Variants in LUZP2 observed in about 807,000 individuals in gnomAD.
The protein encoded by LUZP2 is leucine zipper protein 2.
LUZP2 carries 52 observed loss-of-function variants against 51.6 expected under a neutral mutation model. That is an observed-to-expected ratio of 1.01 (90% CI 0.81 to 1.27). LUZP2 has a LOEUF of 1.27. Among genes scored for constraint, LUZP2 ranks in the 50% most tolerant of loss-of-function variants. LUZP2 has a pLI of 0.00. For missense variants in LUZP2, 436 were observed against 395.4 expected (o/e 1.10, Z -0.87); for synonymous variants, 154 against 137.3 (o/e 1.12, Z -0.85).
At chr11:24,958,538 G>A (rs1855282060) in intron 7 of LUZP2, among the ~76,000 whole-genome samples, 2 of 152,132 alleles carry the variant, frequency 1.3e-5, no homozygotes, top group South Asian at 2.1e-4. Context: ...TTTTTTGGCT[G>A]CATAAATGTC....
chr11:24,926,595 A>T (rs941833751), intron 7 of LUZP2, among the ~76,000 whole-genome samples: 5 of 147,454 alleles, frequency 3.4e-5, no homozygotes, highest in African/African-American at 1.2e-4. Context: ...ATGTGTGTAT[A>T]TATATGTGTG....
chr11:24,838,879 A>G (rs559063920), intron 5 of LUZP2, among the ~76,000 whole-genome samples: 2 of 151,608 alleles, frequency 1.3e-5, no homozygotes, highest in Non-Finnish European at 3.0e-5. Context: ...TGAAGTCTTA[A>G]TTCAGGCATT....
At chr11:24,619,287 G>C (rs2133902586) in intron 1 of LUZP2, among the ~76,000 whole-genome samples, 1 of 152,222 alleles carries the variant, frequency 6.6e-6, no homozygotes, top group East Asian at 1.9e-4. Flanking sequence ...TCCTGCCTCA[G>C]CCTCCCAAAA....
intron 6 of LUZP2, among the ~76,000 whole-genome samples, chr11:24,907,002 A>G (rs1485817075): frequency 1.3e-5 from 2 of 152,208 alleles, no homozygotes; most frequent in African/African-American, 4.8e-5. Context: ...TCTTTAAATT[A>G]TGGCATGACC....
intron 1 of LUZP2, among the ~76,000 whole-genome samples, chr11:24,577,980 C>T (rs576154424): frequency 1.3e-5 from 2 of 152,200 alleles, no homozygotes; most frequent in East Asian, 1.9e-4. Flanking sequence ...ATGCCATCAG[C>T]GTTCTGTACT....
In LUZP2 at chr11:24,739,856, G is replaced by A. The variant is rs142983919; in HGVS notation, c.333+1554G>A. On this transcript the variant is annotated intron_variant, in intron 4 of 11. Coordinates refer to ENST00000336930, the MANE Select transcript of LUZP2 (RefSeq NM_001009909.4). ...ATCTGTTCTGTTCACCTGTTAGGACGGGCATGTGGGTTCATTGCTATGCCA... is the reference window on the plus strand; with the variant it reads ...ATCTGTTCTGTTCACCTGTTAGGACAGGCATGTGGGTTCATTGCTATGCCA... Among the ~76,000 whole-genome samples, 784 of 152,126 alleles carry A rather than the reference G, an allele frequency of 5.2e-3. 9 individuals carry two copies. Among genetic ancestry groups the A allele is most frequent in the African/African-American group, 0.018 (732 of 41,504 alleles).
intron 1 of LUZP2, among the ~76,000 whole-genome samples, chr11:24,600,825 T>C (rs1329182877): frequency 6.6e-6 from 1 of 152,050 alleles, no homozygotes. Context: ...AAAAAGAAGG[T>C]AGACACGCTA....
chr11:24,849,212 T>C (rs951337102), intron 5 of LUZP2, among the ~76,000 whole-genome samples: 1 of 152,152 alleles, frequency 6.6e-6, no homozygotes, highest in African/African-American at 2.4e-5. Flanking sequence ...ACACCTACCA[T>C]GGTGGTTTGC....
At position 24,827,715 on chromosome 11, in the gene LUZP2, T is replaced by A. The variant is rs1850584326; in HGVS notation, c.396+64407T>A. Among the ~76,000 whole-genome samples the A allele has an allele frequency of 2.0e-5, 3 of 152,120 alleles. No individual in the cohort carries two copies. The South Asian group carries it at 6.2e-4, about 32-fold the overall frequency. Reference sequence around the variant, plus strand: ...GTCTATTATCAACTCTGTCTTCGAATCAGTAATCTCTGAGGATGGGACCTG... The same window carrying A: ...GTCTATTATCAACTCTGTCTTCGAAACAGTAATCTCTGAGGATGGGACCTG... On this transcript the variant is annotated intron_variant, in intron 5 of 11. Transcript: ENST00000336930.
chr11:24,540,453 C>T (rs1269879305), intron 1 of LUZP2, among the ~76,000 whole-genome samples: 1 of 152,088 alleles, frequency 6.6e-6, no homozygotes, highest in Non-Finnish European at 1.5e-5. Context: ...CTCTCTCTGT[C>T]TGTCATGTGC....
rs1440984120 is a variant in LUZP2 at position 24,961,804 on chromosome 11, T to G, written c.523-14787T>G. On this transcript the variant is annotated intron_variant, in intron 7 of 11. Transcript: ENST00000336930. ...ATCCTGTCATTATGATGTTAGCTGG[T>G]TATTTTGCTCGTTAGTTGATGCAGT... is the stretch of plus-strand genomic sequence containing the variant. Among the ~76,000 whole-genome samples, 5 of 150,050 alleles carry G rather than the reference T, an allele frequency of 3.3e-5. No individual in the cohort carries two copies. The East Asian group carries it at 7.9e-4, about 24-fold the overall frequency.
At chr11:24,633,399 T>C (rs1336985555) in intron 1 of LUZP2, among the ~76,000 whole-genome samples, 1 of 152,034 alleles carries the variant, frequency 6.6e-6, no homozygotes, top group African/African-American at 2.4e-5. Context: ...CATTGAAACA[T>C]TTTAAAATAA....
intron 1 of LUZP2, among the ~76,000 whole-genome samples, chr11:24,536,909 T>C (rs1025684216): frequency 6.6e-6 from 1 of 151,892 alleles, no homozygotes; most frequent in Non-Finnish European, 1.5e-5. Flanking sequence ...TTTGAATATT[T>C]AGATGCCTTT....
Position 24,602,156 on chromosome 11 carries a change from A to ATATATG in LUZP2, c.62+104852_62+104853insATATGT, listed in dbSNP as rs1270758818. The stretch of plus-strand genomic sequence containing the variant: ...TGTGTATATATGTATATATGTATAT[A>ATATATG]TGTATATATGTGTATATATATGTGT... On this transcript the variant is annotated intron_variant, in intron 1 of 11. Coordinates refer to ENST00000336930, the MANE Select transcript of LUZP2 (RefSeq NM_001009909.4). Among the ~76,000 whole-genome samples the ATATATG allele has an allele frequency of 1.2e-3, 146 of 122,216 alleles. 6 individuals carry two copies. Among genetic ancestry groups the ATATATG allele is most frequent in the Admixed American group, 2.2e-3 (24 of 10,888 alleles). 80.2% of individuals were successfully genotyped at this position (122,216 alleles called of 152,430 possible).
chr11:24,947,808 A>G (rs573891122), intron 7 of LUZP2, among the ~76,000 whole-genome samples: 210 of 151,912 alleles, frequency 1.4e-3, no homozygotes, highest in Middle Eastern at 6.8e-3. Context: ...ATTGTTTATC[A>G]TGAGAAAGCC....
At chr11:24,803,731 A>C (rs1373396520) in intron 5 of LUZP2, among the ~76,000 whole-genome samples, 1 of 152,144 alleles carries the variant, frequency 6.6e-6, no homozygotes, top group Non-Finnish European at 1.5e-5. Flanking sequence ...CAGTTATGAA[A>C]AGACAAATGT....
intron 1 of LUZP2, among the ~76,000 whole-genome samples, chr11:24,666,440 T>C (rs527984965): frequency 6.6e-6 from 1 of 152,028 alleles, no homozygotes; most frequent in Non-Finnish European, 1.5e-5. Context: ...TACTATATGA[T>C]TTATATTGGA....
intron 5 of LUZP2, among the ~76,000 whole-genome samples, chr11:24,796,314 T>G (rs1175178240): frequency 1.3e-5 from 2 of 152,160 alleles, no homozygotes; most frequent in African/African-American, 4.8e-5. Context: ...TAGCATGTTC[T>G]ACTTTCCTCT....
chr11:24,622,128 T>A (rs190892118), intron 1 of LUZP2, among the ~76,000 whole-genome samples: 3,778 of 151,828 alleles, frequency 0.025, 98 homozygotes, highest in African/African-American at 0.067. Flanking sequence ...TCTTTTTTTT[T>A]TAATGTTATT....
Sources: allele counts gnomAD v4.1 joint callset (sites outside exome capture counted in the v4.1 genomes callset), GRCh38; gene constraint gnomAD v4.1.1; transcripts MANE v1.5; gene names NCBI Gene and HGNC (gene_info 2026-07-23, HGNC 2026-07-21).